The following MYO5B variants were observed in gnomAD, a reference collection of about 807,000 sequenced individuals.
MYO5B encodes myosin VB.
In MYO5B, 143 loss-of-function variants were observed where a neutral mutation model predicts 229.3. That is an observed-to-expected ratio of 0.62 (90% CI 0.54 to 0.72). The LOEUF is 0.72. Among genes scored for constraint, MYO5B ranks in the 30% least tolerant of loss-of-function variants. The probability of loss-of-function intolerance (pLI) is 0.00; values close to 1 mark genes in which losing one functional copy is unlikely to be tolerated. For synonymous variants in MYO5B, 918 were observed against 885.2 expected, an observed-to-expected ratio of 1.04 and a Z score of -0.66; for missense variants, 2,321 against 2,331.0, an observed-to-expected ratio of 1.00 and a Z score of 0.09.
At chr18:50,056,487 A>AT (rs1476257740) in intron 1 of MYO5B, among the ~76,000 whole-genome samples, 1 of 152,116 alleles carries the variant, frequency 6.6e-6, no homozygotes, top group East Asian at 1.9e-4. Context: ...CACAGGGCCT[A>AT]TTTTCTGTAG....
chr18:49,925,305 G>T (rs1334447070), intron 17 of MYO5B, among the ~76,000 whole-genome samples: 4 of 152,224 alleles, frequency 2.6e-5, no homozygotes, highest in East Asian at 3.9e-4. Context: ...GAATATGCCT[G>T]TGACCTGGAA....
At chr18:50,049,392 G>C (rs1315605601) in intron 2 of MYO5B, among the ~76,000 whole-genome samples, 1 of 152,172 alleles carries the variant, frequency 6.6e-6, no homozygotes, top group East Asian at 1.9e-4. Context: ...TAAGAGGTTT[G>C]AATTATAAAC....
At chr18:50,102,518 G>T (rs1232230603) in intron 1 of MYO5B, among the ~76,000 whole-genome samples, 1 of 152,126 alleles carries the variant, frequency 6.6e-6, no homozygotes, top group Non-Finnish European at 1.5e-5. Context: ...AGAAATGCAA[G>T]AGTGGCTACA....
intron 17 of MYO5B, among the ~76,000 whole-genome samples, chr18:49,922,239 CT>C (rs1412260567): frequency 2.0e-5 from 3 of 152,216 alleles, no homozygotes; most frequent in Admixed American, 1.3e-4. Flanking sequence ...ACCTCACTTG[CT>C]TTATCCCCAG....
chr18:50,180,812 T>G (rs1235430437), intron 1 of MYO5B, among the ~76,000 whole-genome samples: 1 of 152,236 alleles, frequency 6.6e-6, no homozygotes, highest in Non-Finnish European at 1.5e-5. Context: ...CAAAATGCCC[T>G]CAAGGTTCAT....
intron 1 of MYO5B, among the ~76,000 whole-genome samples, chr18:50,192,661 G>C (rs1180171414): frequency 6.6e-6 from 1 of 152,202 alleles, no homozygotes; most frequent in Non-Finnish European, 1.5e-5. Context: ...AAGAGTTTCT[G>C]TGGAAAACTA....
intron 12 of MYO5B, among the ~76,000 whole-genome samples, chr18:49,959,901 CCTT>C (rs534918816): frequency 1.2e-3 from 177 of 152,270 alleles, no homozygotes; most frequent in Non-Finnish European, 1.6e-3. Flanking sequence ...CACTCAAACA[CCTT>C]CTTGGAGGAG....
chr18:49,839,076 G>A, intron 36 of MYO5B, 68 bp downstream of exon 36: 1 of 1,593,992 alleles, frequency 6.3e-7, no homozygotes, highest in Non-Finnish European at 8.6e-7. Context: ...GGCAGAGGGT[G>A]CTGACCACGC....
chr18:50,118,481 T>A (rs371963544), intron 1 of MYO5B, among the ~76,000 whole-genome samples: 90 of 152,376 alleles, frequency 5.9e-4, no homozygotes, highest in African/African-American at 2.0e-3. Context: ...AGGGCTTAAC[T>A]ACAGCACAGA....
At chr18:50,013,530 T>C (rs1012432446) in intron 4 of MYO5B, among the ~76,000 whole-genome samples, 46 of 152,282 alleles carry the variant, frequency 3.0e-4, no homozygotes, top group African/African-American at 1.1e-3. Flanking sequence ...GAATTACAGA[T>C]TCCCTCACTA....
intron 1 of MYO5B, among the ~76,000 whole-genome samples, chr18:50,122,264 C>T (rs2032070196): frequency 6.6e-6 from 1 of 151,830 alleles, no homozygotes; most frequent in Non-Finnish European, 1.5e-5. Flanking sequence ...AGGATATCTG[C>T]CCTAAGTAGA....
chr18:50,034,995 G>C (rs2026432845), intron 4 of MYO5B, among the ~76,000 whole-genome samples: 1 of 152,114 alleles, frequency 6.6e-6, no homozygotes, highest in Admixed American at 6.5e-5. Context: ...CCTAGGGCAA[G>C]ACAGTATCAC....
chr18:49,863,828 G>A (rs745788151), intron 28 of MYO5B, among the ~76,000 whole-genome samples: 5 of 152,170 alleles, frequency 3.3e-5, no homozygotes, highest in Non-Finnish European at 7.4e-5. Flanking sequence ...GACTGAGGAG[G>A]ACCAATGACT....
intron 15 of MYO5B, among the ~76,000 whole-genome samples, chr18:49,936,877 C>A (rs2025256275): frequency 6.6e-6 from 1 of 152,322 alleles, no homozygotes; most frequent in South Asian, 2.1e-4. Flanking sequence ...AGAGACCCCA[C>A]AGCAGGAGAA....
At chr18:50,081,215 GCAGCCCT>G (rs1189516223) in intron 1 of MYO5B, among the ~76,000 whole-genome samples, 1 of 152,126 alleles carries the variant, frequency 6.6e-6, no homozygotes, top group Non-Finnish European at 1.5e-5. Flanking sequence ...GTTGTGGCCA[GCAGCCCT>G]CAGAATGAAT....
At chr18:50,036,001 C>G (rs560239059) in intron 4 of MYO5B, among the ~76,000 whole-genome samples, 6 of 152,254 alleles carry the variant, frequency 3.9e-5, no homozygotes, top group African/African-American at 1.4e-4. Flanking sequence ...CACAGACCAC[C>G]TAGAATGGGA....
Position 49,954,505 on chromosome 18 carries a change from G to A in MYO5B, c.1546-70C>T, listed in dbSNP as rs2025469667. The A allele has an allele frequency of 2.5e-6, 4 of 1,597,610 alleles. No individual in the cohort carries two copies. The South Asian group carries it at 4.4e-5, about 18-fold the overall frequency. ...AAGGAAGCCCTGGGTTGCAGCAGAG[G>A]GATGGGACCAGTAGGCTGGCTCTGT... On this transcript the variant is annotated intron_variant, in intron 12 of 39. Coordinates refer to ENST00000285039, the MANE Select transcript of MYO5B (RefSeq NM_001080467.3).
At chr18:50,033,018 G>A (rs922893800) in intron 4 of MYO5B, among the ~76,000 whole-genome samples, 1 of 151,920 alleles carries the variant, frequency 6.6e-6, no homozygotes, top group Admixed American at 6.6e-5. Flanking sequence ...ATTTCTCTTG[G>A]GTGCATACCT....
intron 1 of MYO5B, among the ~76,000 whole-genome samples, chr18:50,158,128 G>C (rs1311080981): frequency 6.6e-6 from 1 of 152,168 alleles, no homozygotes; most frequent in Admixed American, 6.5e-5. Flanking sequence ...CCAGGAGAGA[G>C]GGATCCAGCA....
Sources: allele counts gnomAD v4.1 joint callset (sites outside exome capture counted in the v4.1 genomes callset), GRCh38; gene constraint gnomAD v4.1.1; transcripts MANE v1.5; gene names NCBI Gene and HGNC (gene_info 2026-07-23, HGNC 2026-07-21).